The following TOX variants were observed in gnomAD, a reference collection of about 807,000 sequenced individuals.
TOX encodes thymocyte selection associated high mobility group box, also known as thymocyte selection-associated high mobility group box protein TOX.
Under a neutral mutation model 53.7 loss-of-function variants are expected in TOX, and 11 were observed. The observed-to-expected ratio is 0.20, with a 90% CI of 0.13 to 0.34. The LOEUF (loss-of-function observed/expected upper bound fraction) is 0.34. TOX is among the 10% of genes least tolerant of loss of function. The pLI, the probability that TOX is intolerant of heterozygous loss-of-function variation, is 1.00. For missense variants in TOX, 570 were observed against 664.6 expected (o/e 0.86, Z 1.56); for synonymous variants, 225 against 245.3 (o/e 0.92, Z 0.77).
intron 3 of TOX, among the ~76,000 whole-genome samples, chr8:58,857,019 A>C (rs1437292573): frequency 6.6e-6 from 1 of 152,100 alleles, no homozygotes; most frequent in Non-Finnish European, 1.5e-5. Context: ...ACAGATTATA[A>C]ACTTTAAAAA....
chr8:58,966,095 T>C (rs1812894787), intron 1 of TOX, among the ~76,000 whole-genome samples: 1 of 152,048 alleles, frequency 6.6e-6, no homozygotes. Flanking sequence ...ACCCCCACAC[T>C]TACTGCACAT....
intron 1 of TOX, among the ~76,000 whole-genome samples, chr8:59,092,401 A>G (rs1170188729): frequency 5.0e-5 from 7 of 138,988 alleles, no homozygotes; most frequent in African/African-American, 2.1e-4. Context: ...GGTATAAAAA[A>G]AGTTGGAAAA....
At chr8:58,923,306 G>A (rs568804309) in intron 3 of TOX, among the ~76,000 whole-genome samples, 16 of 152,258 alleles carry the variant, frequency 1.1e-4, no homozygotes, top group African/African-American at 2.9e-4. Flanking sequence ...AGGAAGCGAT[G>A]AGGGCAGATT....
chr8:58,862,373 A>G (rs745636688), intron 3 of TOX, among the ~76,000 whole-genome samples: 56 of 152,250 alleles, frequency 3.7e-4, no homozygotes, highest in Non-Finnish European at 5.3e-4. Context: ...AGGTATACCT[A>G]ATTTAGTTAA....
At chr8:58,826,024 A>C (rs977828856) in intron 6 of TOX, among the ~76,000 whole-genome samples, 2 of 152,230 alleles carry the variant, frequency 1.3e-5, no homozygotes, top group African/African-American at 2.4e-5. Flanking sequence ...TCTTCTCTGC[A>C]TCAGTATATT....
chr8:58,961,613 C>T (rs1355997255), intron 1 of TOX, among the ~76,000 whole-genome samples: 5 of 152,016 alleles, frequency 3.3e-5, no homozygotes, highest in Admixed American at 2.0e-4. Flanking sequence ...CTGCAATCTC[C>T]GCCTCCCAGG....
chr8:58,851,734 C>T lies in TOX; in HGVS notation c.483G>A (p.Arg161=), dbSNP rs917053887. Residue 161 remains arginine (R), a synonymous_variant, in exon 4 of 9, where the codon AGG becomes AGA. Transcript: ENST00000361421. This position sits in a 1 kb window ranked among gnomAD's most constrained non-coding sequence, Gnocchi z 4.4. ...SHPQMAAMRP[R]GQPADIRQQP... ...GCTGCCTGATGTCTGCAGGCTGGCC[C>T]CTTGGTCTCATGGCTGCCATCTGAG... 3 of 1,612,878 alleles carry T rather than the reference C, an allele frequency of 1.9e-6. No individual in the cohort carries two copies. The highest frequency in any genetic ancestry group is 2.5e-6 in the Non-Finnish European group (3 of 1,179,732).
intron 1 of TOX, among the ~76,000 whole-genome samples, chr8:59,036,940 T>G (rs1010184711): frequency 2.0e-5 from 3 of 152,212 alleles, no homozygotes; most frequent in Admixed American, 6.5e-5. Flanking sequence ...CTCCCCTTCA[T>G]GAAGAGGCCT....
chr8:58,951,575 C>T (rs1812622748), intron 2 of TOX, among the ~76,000 whole-genome samples: 1 of 152,102 alleles, frequency 6.6e-6, no homozygotes, highest in Non-Finnish European at 1.5e-5. Flanking sequence ...CCCTATTTTC[C>T]CCCACTCCCA....
chr8:58,903,591 A>C (rs1340231187), intron 3 of TOX, among the ~76,000 whole-genome samples: 3 of 152,150 alleles, frequency 2.0e-5, no homozygotes, highest in African/African-American at 4.8e-5. Flanking sequence ...AGGAATATTC[A>C]TCTTTGCTTT....
At chr8:59,041,133 A>C (rs368011021) in intron 1 of TOX, among the ~76,000 whole-genome samples, 28 of 151,054 alleles carry the variant, frequency 1.9e-4, no homozygotes, top group African/African-American at 6.6e-4. Flanking sequence ...ACATTAAAGG[A>C]GCTGGCATCG....
rs151077375 is a variant in TOX, at chr8:59,102,626, C to A, written c.102+16260G>T. On this transcript the variant is annotated intron_variant, in intron 1 of 8. Coordinates refer to ENST00000361421, the MANE Select transcript of TOX (RefSeq NM_014729.3). ...CCACCCCCATGATTCAATCATCTCCCACCAGGTCTCTCCCACAAGACAAGG... is the reference window on the plus strand; with the variant it reads ...CCACCCCCATGATTCAATCATCTCCAACCAGGTCTCTCCCACAAGACAAGG... Among the ~76,000 whole-genome samples the A allele has an allele frequency of 7.5e-3, 1,149 of 152,276 alleles. 15 individuals are homozygous for A. The highest frequency in any genetic ancestry group is 0.026 in the African/African-American group (1,075 of 41,548).
chr8:59,116,828 C>A (rs1293072106), intron 1 of TOX, among the ~76,000 whole-genome samples: 1 of 152,150 alleles, frequency 6.6e-6, no homozygotes, highest in East Asian at 1.9e-4. Flanking sequence ...TTCTTATACA[C>A]GGGGTGACTT....
chr8:58,817,606 T>A (rs1174850309), intron 6 of TOX, among the ~76,000 whole-genome samples: 1 of 152,324 alleles, frequency 6.6e-6, no homozygotes, highest in East Asian at 1.9e-4. Context: ...GTGTTAAGTC[T>A]GTGTGTTTAA....
intron 3 of TOX, among the ~76,000 whole-genome samples, chr8:58,920,721 T>TAAAAAAAAAA (rs5891703): frequency 8.3e-4 from 67 of 80,598 alleles, no homozygotes; most frequent in Admixed American, 1.5e-3. Context: ...AAAAAAACAT[T>TAAAAAAAAAA]AAAAAAAAAA....
intron 1 of TOX, among the ~76,000 whole-genome samples, chr8:59,072,432 G>A (rs1265194344): frequency 6.6e-6 from 1 of 152,116 alleles, no homozygotes; most frequent in Non-Finnish European, 1.5e-5. Flanking sequence ...CAAAAGACAT[G>A]GGAAGGGTTC....
At chr8:58,967,796 C>T (rs1812931883) in intron 1 of TOX, among the ~76,000 whole-genome samples, 1 of 152,174 alleles carries the variant, frequency 6.6e-6, no homozygotes. Context: ...TTACTTTCCC[C>T]TCACTCTGGT....
intron 5 of TOX, among the ~76,000 whole-genome samples, 155 bp downstream of exon 5, chr8:58,837,926 T>A (rs1810573514): frequency 6.6e-6 from 1 of 152,166 alleles, no homozygotes; most frequent in Non-Finnish European, 1.5e-5. Flanking sequence ...AGCATAACAT[T>A]ATGTGAACGT....
At chr8:58,918,909 C>G (rs1224522754) in intron 3 of TOX, among the ~76,000 whole-genome samples, 1 of 151,918 alleles carries the variant, frequency 6.6e-6, no homozygotes, top group Admixed American at 6.6e-5. Context: ...TATACACCAA[C>G]AACCGGCAAA....
Sources: allele counts gnomAD v4.1 joint callset (sites outside exome capture counted in the v4.1 genomes callset), GRCh38; gene constraint gnomAD v4.1.1; non-coding constraint Gnocchi (gnomAD v3.1); transcripts MANE v1.5; gene names NCBI Gene and HGNC (gene_info 2026-07-23, HGNC 2026-07-21).